LPP: variants seen among roughly 807,000 people sequenced by gnomAD.
LPP encodes the protein LIM domain containing preferred translocation partner in lipoma.
LPP carries 38 observed loss-of-function variants against 60.4 expected under a neutral mutation model. The ratio of observed to expected loss-of-function variants is 0.63; its 90% CI spans 0.49 to 0.83. The LOEUF (loss-of-function observed/expected upper bound fraction) is 0.83, where lower values mean the gene tolerates loss of function less well. Ranked by LOEUF, LPP falls within the 40% of genes least tolerant of loss-of-function variation. The pLI is 0.00. For synonymous variants in LPP, 328 were observed against 290.8 expected (o/e 1.13, Z -1.30); for missense variants, 902 against 783.6 (o/e 1.15, Z -1.80).
chr3:188,584,327 G>T (rs1836921902), intron 6 of LPP: 1 of 152,140 alleles, frequency 6.6e-6, no homozygotes, highest in South Asian at 2.1e-4. Flanking sequence ...CGGGTGAGCT[G>T]CAGGAAAAGT....
intron 6 of LPP, among the ~76,000 whole-genome samples, chr3:188,597,134 G>A (rs1840142385): frequency 6.6e-6 from 1 of 152,164 alleles, no homozygotes; most frequent in South Asian, 2.1e-4. Flanking sequence ...ACCCTCTGAA[G>A]ACCTTCTCAC....
intron 4 of LPP, among the ~76,000 whole-genome samples, chr3:188,429,220 A>C (rs1340837856): frequency 6.6e-6 from 1 of 152,174 alleles, no homozygotes; most frequent in Non-Finnish European, 1.5e-5. Flanking sequence ...AAGAGGGCCC[A>C]GTTCAATTTA....
At chr3:188,829,505 T>C (rs1040974887) in intron 9 of LPP, among the ~76,000 whole-genome samples, 8 of 152,226 alleles carry the variant, frequency 5.3e-5, no homozygotes, top group African/African-American at 1.7e-4. Context: ...TTTAACACTT[T>C]GCAGTTGAAG....
chr3:188,753,227 A>T (rs1216151484), intron 8 of LPP, among the ~76,000 whole-genome samples: 2 of 152,216 alleles, frequency 1.3e-5, no homozygotes, highest in Non-Finnish European at 2.9e-5. Flanking sequence ...CTAAATGAAA[A>T]AATGTATGTG....
chr3:188,593,970 T>C (rs979710948), intron 6 of LPP, among the ~76,000 whole-genome samples: 2 of 152,152 alleles, frequency 1.3e-5, no homozygotes, highest in African/African-American at 4.8e-5. Context: ...AGTAGTGGGA[T>C]TGCTGGATCA....
chr3:188,252,760 C>G (rs77431439), intron 2 of LPP, among the ~76,000 whole-genome samples: 1 of 151,948 alleles, frequency 6.6e-6, no homozygotes, highest in South Asian at 2.1e-4. Context: ...ATGTCTTTTG[C>G]CCATTTTAAA....
At chr3:188,552,866 C>A (rs542771083) in intron 6 of LPP, among the ~76,000 whole-genome samples, 7 of 152,078 alleles carry the variant, frequency 4.6e-5, no homozygotes, top group Non-Finnish European at 1.0e-4. Flanking sequence ...TTCACAAGTT[C>A]GAGGAATTAG....
chr3:188,566,362 A>C (rs760346197), intron 6 of LPP, among the ~76,000 whole-genome samples: 1 of 151,918 alleles, frequency 6.6e-6, no homozygotes, highest in Non-Finnish European at 1.5e-5. Context: ...TATTGTTTTG[A>C]AAATGAACAT....
chr3:188,669,679 T>C (rs760224963), intron 7 of LPP, among the ~76,000 whole-genome samples: 9 of 152,176 alleles, frequency 5.9e-5, no homozygotes, highest in Non-Finnish European at 1.0e-4. Context: ...AGTTCAACCA[T>C]TGTGGAAGAC....
In LPP at chr3:188,484,716, AG is replaced by A; in HGVS notation, c.306+13del. 1.3e-6 allele frequency: 2 copies of A among 1,578,142 alleles called. No individual in the cohort carries two copies. Among genetic ancestry groups the A allele is most frequent in the Non-Finnish European group, 1.7e-6 (2 of 1,147,518 alleles). On this transcript the variant is annotated intron_variant, in intron 5 of 11. Coordinates refer to ENST00000617246, the MANE Select transcript of LPP (RefSeq NM_001375462.1). ...CTTTCAAAGTACAGGTAAGAGCTGAAGTTAAAGTCATGTTAGGTAAGAGCTG... is the reference window on the plus strand; with the variant it reads ...CTTTCAAAGTACAGGTAAGAGCTGAATTAAAGTCATGTTAGGTAAGAGCTG...
At chr3:188,656,928 A>G (rs1030811907) in intron 7 of LPP, among the ~76,000 whole-genome samples, 38 of 152,116 alleles carry the variant, frequency 2.5e-4, no homozygotes, top group Admixed American at 2.3e-3. Flanking sequence ...AAGCTTTCCA[A>G]TATCCCTTGT....
chr3:188,588,648 G>A (rs575172592), intron 6 of LPP, among the ~76,000 whole-genome samples: 1 of 152,290 alleles, frequency 6.6e-6, no homozygotes, highest in South Asian at 2.1e-4. Context: ...TCACTTATAT[G>A]TAAAGCATTT....
At chr3:188,691,456 C>A (rs75760859) in intron 7 of LPP, among the ~76,000 whole-genome samples, 1 of 152,306 alleles carries the variant, frequency 6.6e-6, no homozygotes, top group East Asian at 1.9e-4. Context: ...GGAGTAAGGC[C>A]TGGCCCAAAG....
intron 2 of LPP, among the ~76,000 whole-genome samples, chr3:188,259,475 A>C (rs1459490119): frequency 6.6e-6 from 1 of 152,222 alleles, no homozygotes; most frequent in Non-Finnish European, 1.5e-5. Flanking sequence ...GCAGCTAGAA[A>C]TAATCTTTCC....
chr3:188,848,263 A>G (rs1316898853), intron 9 of LPP, among the ~76,000 whole-genome samples: 1 of 152,168 alleles, frequency 6.6e-6, no homozygotes, highest in Non-Finnish European at 1.5e-5. Flanking sequence ...AAGAGCCTCG[A>G]GTCTTGTCTT....
intron 6 of LPP, among the ~76,000 whole-genome samples, chr3:188,592,698 C>T (rs376014059): frequency 8.6e-5 from 13 of 151,648 alleles, no homozygotes; most frequent in South Asian, 4.2e-4. Context: ...CCCACCACCA[C>T]GCCTGGCTAA....
chr3:188,455,241 TGGGG>T (rs1797468426), intron 4 of LPP, among the ~76,000 whole-genome samples: 1 of 152,084 alleles, frequency 6.6e-6, no homozygotes, highest in Non-Finnish European at 1.5e-5. Context: ...TAGTAATATT[TGGGG>T]ACTAGCAAAG....
chr3:188,167,266 G>C (rs1007216703), intron 1 of LPP, among the ~76,000 whole-genome samples: 1 of 152,170 alleles, frequency 6.6e-6, no homozygotes, highest in African/African-American at 2.4e-5. Context: ...GGGAGGCCGA[G>C]GCGGGCAGGT....
intron 7 of LPP, among the ~76,000 whole-genome samples, chr3:188,666,726 G>A (rs1855879300): frequency 6.6e-6 from 1 of 152,184 alleles, no homozygotes; most frequent in Non-Finnish European, 1.5e-5. Context: ...CCACACACTG[G>A]AAGTCAGGAG....
Sources: allele counts gnomAD v4.1 joint callset (sites outside exome capture counted in the v4.1 genomes callset), GRCh38; gene constraint gnomAD v4.1.1; transcripts MANE v1.5; gene names NCBI Gene and HGNC (gene_info 2026-07-23, HGNC 2026-07-21).